Variants in C1orf141 observed in about 807,000 individuals in gnomAD.
C1orf141 encodes uncharacterized protein C1orf141.
Under a neutral mutation model 23.2 loss-of-function variants are expected in C1orf141, and 19 were observed. The ratio of observed to expected loss-of-function variants is 0.82; its 90% CI spans 0.57 to 1.20. The LOEUF is 1.20. Ranked by LOEUF, C1orf141 falls within the 50% of genes most tolerant of loss-of-function variation. C1orf141 has a pLI of 0.00. For synonymous variants in C1orf141, 153 were observed against 154.6 expected (o/e 0.99, Z 0.08); for missense variants, 469 against 455.1 (o/e 1.03, Z -0.28).
chr1:67,095,969 C>A (rs1645670624), intron 6 of C1orf141: 1 of 226,536 alleles, frequency 4.4e-6, no homozygotes, highest in Admixed American at 5.7e-5. Context: ...CAAAGAAAAG[C>A]TACTTTTTCA....
At chr1:67,120,729 G>T (rs995688458) in intron 4 of C1orf141, among the ~76,000 whole-genome samples, 16 of 152,130 alleles carry the variant, frequency 1.1e-4, no homozygotes, top group African/African-American at 3.6e-4. Flanking sequence ...GGACTTCCTA[G>T]CCTTTAGAAC....
intron 5 of C1orf141, 134 bp from the exon 6 acceptor site, chr1:67,096,455 A>G (rs1645683837): frequency 3.7e-6 from 2 of 546,456 alleles, no homozygotes; most frequent in Non-Finnish European, 6.5e-6. Context: ...TGTAGTAGCT[A>G]CCCAGTAAAT....
At chr1:67,127,788 C>T (rs1214067579) in intron 2 of C1orf141, among the ~76,000 whole-genome samples, 2 of 152,006 alleles carry the variant, frequency 1.3e-5, no homozygotes, top group African/African-American at 2.4e-5. Flanking sequence ...GTGTGCACCA[C>T]CATGCCCAGC....
At chr1:67,129,500 T>C (rs1570735784) in intron 2 of C1orf141, among the ~76,000 whole-genome samples, 1 of 151,996 alleles carries the variant, frequency 6.6e-6, no homozygotes, top group East Asian at 1.9e-4. Flanking sequence ...TTCTGGGCCA[T>C]GGGGGTGCAA....
At chr1:67,138,370 C>G (rs1383566654), upstream of C1orf141, among the ~76,000 whole-genome samples, 2 of 152,202 alleles carry the variant, frequency 1.3e-5, no homozygotes, top group African/African-American at 4.8e-5. Flanking sequence ...GGACGTCTTT[C>G]AGGTCCTATG....
chr1:67,141,329 A>G (rs1646635596), intron 1 of C1orf141, among the ~76,000 whole-genome samples: 1 of 152,130 alleles, frequency 6.6e-6, no homozygotes, highest in Non-Finnish European at 1.5e-5. Flanking sequence ...CTATTAATGT[A>G]TTATTTTTGC....
In C1orf141 at chr1:67,132,360, A is replaced by T. The variant is rs375315818; in HGVS notation, c.-103-1133T>A. On this transcript the variant is annotated intron_variant, in intron 1 of 7. Transcript: ENST00000684719. ...ATGGTGAAACCCTGTGTCTACTAAA[A>T]ATACAAAAAAAAATTAGCTGGTCAT... is the stretch of plus-strand genomic sequence containing the variant. Among the ~76,000 whole-genome samples the T allele has an allele frequency of 9.9e-5, 15 of 152,170 alleles. No individual in the cohort carries two copies. In the East Asian group the frequency reaches 2.5e-3, roughly 26 times the overall value.
upstream of C1orf141, among the ~76,000 whole-genome samples, chr1:67,137,686 A>G (rs1334988893): frequency 2.0e-5 from 3 of 152,220 alleles, no homozygotes; most frequent in East Asian, 5.8e-4. Flanking sequence ...CTCCAGGCAA[A>G]TAAAGCTCTT....
intron 5 of C1orf141, among the ~76,000 whole-genome samples, chr1:67,097,648 G>C (rs1166415798): frequency 1.3e-5 from 2 of 152,206 alleles, no homozygotes; most frequent in Non-Finnish European, 2.9e-5. Flanking sequence ...GAACAATAAT[G>C]CAGTTTCATT....
At chr1:67,125,446 C>G (rs1218717011) in intron 4 of C1orf141, among the ~76,000 whole-genome samples, 1 of 151,972 alleles carries the variant, frequency 6.6e-6, no homozygotes, top group Non-Finnish European at 1.5e-5. Context: ...GCCTGTAATC[C>G]CAGTACTTTG....
chr1:67,117,192 G>T (rs1275066579), intron 4 of C1orf141, among the ~76,000 whole-genome samples: 1 of 152,192 alleles, frequency 6.6e-6, no homozygotes, highest in East Asian at 1.9e-4. Flanking sequence ...AGAGGCTGAG[G>T]GGGGTGGATT....
At chr1:67,096,651 A>C (rs1490523413) in intron 5 of C1orf141, among the ~76,000 whole-genome samples, 1 of 152,228 alleles carries the variant, frequency 6.6e-6, no homozygotes, top group African/African-American at 2.4e-5. Context: ...GACGGTTATC[A>C]CTTGGTAGGC....
At chr1:67,102,484 G>A (rs1346443498) in intron 5 of C1orf141, among the ~76,000 whole-genome samples, 1 of 151,948 alleles carries the variant, frequency 6.6e-6, no homozygotes. Flanking sequence ...AGTTGGCGTT[G>A]GGAAAACATT....
At chr1:67,110,261 A>G (rs907669817) in intron 5 of C1orf141, among the ~76,000 whole-genome samples, 14 of 152,094 alleles carry the variant, frequency 9.2e-5, no homozygotes, top group Non-Finnish European at 1.9e-4. Flanking sequence ...GGGAATCAGG[A>G]GTTAGTGATT....
At position 67,122,419 on chromosome 1, in the gene C1orf141, A is replaced by G. The variant is rs1156465861; in HGVS notation, c.233+3333T>C. 7 of 152,338 alleles carry G rather than the reference A, an allele frequency of 4.6e-5. No homozygotes were observed. The South Asian group carries it at 1.2e-3, about 27-fold the overall frequency. 9.4% of individuals were successfully genotyped at this position (152,338 alleles called of 1,614,324 possible). A position where few individuals can be genotyped will look rare whatever the true frequency, so the allele number is the denominator to read the frequency against. On this transcript the variant is annotated intron_variant, in intron 4 of 7. Coordinates refer to ENST00000684719, the MANE Select transcript of C1orf141 (RefSeq NM_001276351.2). Reference sequence around the variant, plus strand: ...CATTTTATTTTATATTTCTTTAAAAATCTATATTTGCTTTCTATTCTTGTG... The same window carrying G: ...CATTTTATTTTATATTTCTTTAAAAGTCTATATTTGCTTTCTATTCTTGTG...
intron 4 of C1orf141, chr1:67,122,505 T>C (rs1320051278): frequency 6.6e-6 from 1 of 152,244 alleles, no homozygotes; most frequent in Non-Finnish European, 1.5e-5. Flanking sequence ...TCCACCTTTG[T>C]CTGTGTTCCA....
intron 4 of C1orf141, among the ~76,000 whole-genome samples, chr1:67,119,494 G>A (rs148916273): frequency 2.4e-4 from 36 of 152,248 alleles, no homozygotes; most frequent in African/African-American, 8.4e-4. Context: ...AATTATTAAG[G>A]AAAAAGGAAC....
At chr1:67,126,047 A>C (rs759139105) in intron 3 of C1orf141, 138 bp from the exon 4 acceptor site, 196 of 959,644 alleles carry the variant, frequency 2.0e-4, no homozygotes, top group Non-Finnish European at 2.8e-4. Flanking sequence ...ATAATGGAAA[A>C]ATAGTACAGA....
In C1orf141 at chr1:67,092,283, G is replaced by T. The variant is rs6672194; in HGVS notation, c.*722C>A. 119,658 of 152,164 alleles carry T rather than the reference G, an allele frequency of 0.79. 47,110 individuals carry two copies. Among genetic ancestry groups the T allele is most frequent in the East Asian group, 0.91 (4,784 of 5,284 alleles). The allele number at this position is 152,164 out of a possible 1,614,324, so 9.4% of individuals were successfully genotyped here. ...TTCAAAATGCAACTTGTTTCTAAGT[G>T]GAATTCTGCCTTTAAACTGTTTGGG... On this transcript the variant is annotated 3_prime_UTR_variant, in exon 8 of 8. Transcript: ENST00000684719.
Sources: allele counts gnomAD v4.1 joint callset (sites outside exome capture counted in the v4.1 genomes callset), GRCh38; gene constraint gnomAD v4.1.1; transcripts MANE v1.5; gene names NCBI Gene and HGNC (gene_info 2026-07-23, HGNC 2026-07-21).